Variants in BEND7 observed in about 807,000 individuals in gnomAD.
BEND7 encodes BEN domain-containing protein 7.
Under a neutral mutation model 50.9 loss-of-function variants are expected in BEND7, and 28 were observed. That is an observed-to-expected ratio of 0.55 (90% confidence interval 0.41 to 0.75). The LOEUF is 0.75. Ranked by LOEUF, BEND7 falls within the 30% of genes least tolerant of loss-of-function variation. The pLI is 0.00. For missense variants in BEND7, 477 were observed against 491.3 expected (o/e 0.97, Z 0.28); for synonymous variants, 170 against 183.9 (o/e 0.92, Z 0.61).
intron 7 of BEND7, among the ~76,000 whole-genome samples, chr10:13,451,927 G>A (rs894076839): frequency 9.9e-5 from 15 of 151,996 alleles, no homozygotes; most frequent in Admixed American, 9.8e-4. Flanking sequence ...TAGGAAATTG[G>A]CCCCCACTGT....
chr10:13,505,290 C>A, intron 2 of BEND7, among the ~76,000 whole-genome samples: 1 of 152,210 alleles, frequency 6.6e-6, no homozygotes, highest in Non-Finnish European at 1.5e-5. Flanking sequence ...AGCCTGCTGG[C>A]CCTTGCACCC....
intron 8 of BEND7, chr10:13,442,915 G>A (rs2130819959): frequency 6.6e-6 from 1 of 152,300 alleles, no homozygotes; most frequent in Non-Finnish European, 1.5e-5. Context: ...GATGATGAAG[G>A]TCTAATTAAT....
Position 13,441,436 on chromosome 10 carries a change from C to CTGTG in BEND7, c.*306_*307insCACA. 1 of 1,197,414 alleles carries CTGTG rather than the reference C, an allele frequency of 8.4e-7. No homozygotes were observed. The highest frequency in any genetic ancestry group is 1.7e-5 in the African/African-American group (1 of 58,968). 74.2% of individuals were successfully genotyped at this position (1,197,414 alleles called of 1,614,324 possible). ...TGATACGTATTTCCAGTGTGTAGAT[C>CTGTG]CGTTCATCGCACACATCTTTGGGTT... On this transcript the variant is annotated 3_prime_UTR_variant, in exon 9 of 9. Transcript: ENST00000466271.
intron 4 of BEND7, among the ~76,000 whole-genome samples, chr10:13,494,456 C>G (rs964988562): frequency 1.1e-4 from 17 of 152,114 alleles, no homozygotes; most frequent in African/African-American, 3.9e-4. Context: ...AACTGAAATG[C>G]CTCAGCCCCA....
chr10:13,453,298 G>A (rs1052988312), intron 6 of BEND7, among the ~76,000 whole-genome samples: 6 of 152,160 alleles, frequency 3.9e-5, no homozygotes, highest in African/African-American at 1.2e-4. Flanking sequence ...GTGTGTGGCC[G>A]CACACGCAGC....
At chr10:13,529,494 G>T (rs1422718071), upstream of BEND7, among the ~76,000 whole-genome samples, 1 of 152,142 alleles carries the variant, frequency 6.6e-6, no homozygotes, top group Non-Finnish European at 1.5e-5. Flanking sequence ...GAAGAATATA[G>T]TAGAGAGCTC....
At chr10:13,506,101 T>C (rs1294466266) in intron 2 of BEND7, among the ~76,000 whole-genome samples, 3 of 152,184 alleles carry the variant, frequency 2.0e-5, no homozygotes, top group Admixed American at 1.3e-4. Context: ...TCCTTTTATA[T>C]TGATCTCTTG....
chr10:13,475,082 A>G (rs926500578), intron 6 of BEND7, among the ~76,000 whole-genome samples: 1 of 152,206 alleles, frequency 6.6e-6, no homozygotes, highest in Non-Finnish European at 1.5e-5. Context: ...AGGGGCTGGA[A>G]GTAGAGAGCT....
At chr10:13,507,666 G>C (rs943391164) in intron 2 of BEND7, among the ~76,000 whole-genome samples, 1 of 152,160 alleles carries the variant, frequency 6.6e-6, no homozygotes, top group African/African-American at 2.4e-5. Flanking sequence ...GCAGCTTCCA[G>C]CCTGAAGGTG....
At chr10:13,471,936 G>A (rs948149359) in intron 6 of BEND7, among the ~76,000 whole-genome samples, 10 of 152,112 alleles carry the variant, frequency 6.6e-5, no homozygotes, top group Non-Finnish European at 8.8e-5. Context: ...TTAGACTCGG[G>A]GTCGATATCA....
upstream of BEND7, chr10:13,529,047 C>T (rs1471298383): frequency 1.4e-5 from 2 of 145,546 alleles, no homozygotes; most frequent in Admixed American, 6.8e-5. Context: ...CTGACCGCCC[C>T]CGCGGGAGGA....
intron 5 of BEND7, among the ~76,000 whole-genome samples, chr10:13,492,040 T>A (rs1041170530): frequency 1.3e-4 from 19 of 151,762 alleles, no homozygotes; most frequent in Non-Finnish European, 2.6e-4. Flanking sequence ...TCGGATGTCA[T>A]CCAACATTCT....
intron 7 of BEND7, among the ~76,000 whole-genome samples, chr10:13,448,930 G>A (rs909700280): frequency 9.7e-5 from 14 of 144,380 alleles, no homozygotes; most frequent in South Asian, 4.4e-4. Context: ...CCGAGATCGC[G>A]CCACTGCACT....
At chr10:13,438,929 T>G, downstream of BEND7, 1 of 463,400 alleles carries the variant, frequency 2.2e-6, no homozygotes, top group Admixed American at 3.6e-5. Flanking sequence ...AGAAGGGGAG[T>G]CACTTCTGGT....
chr10:13,501,618 G>A (rs1316214491), intron 2 of BEND7, among the ~76,000 whole-genome samples: 1 of 152,016 alleles, frequency 6.6e-6, no homozygotes, highest in Non-Finnish European at 1.5e-5. Flanking sequence ...AGGCTGAGAT[G>A]GGAGGGTCAT....
At chr10:13,450,780 G>T (rs547151081) in intron 7 of BEND7, among the ~76,000 whole-genome samples, 78 of 152,258 alleles carry the variant, frequency 5.1e-4, no homozygotes, top group African/African-American at 1.8e-3. Flanking sequence ...TCGAGGAGGG[G>T]AGGGGTGGGG....
At chr10:13,522,996 C>T (rs369319234) in intron 2 of BEND7, among the ~76,000 whole-genome samples, 7 of 152,198 alleles carry the variant, frequency 4.6e-5, no homozygotes, top group Non-Finnish European at 8.8e-5. Context: ...GTAGCTCTTA[C>T]GATTGCTGAA....
At position 13,499,834 on chromosome 10, in the gene BEND7, T is replaced by C. The variant is rs751205470; in HGVS notation, c.392A>G (p.Tyr131Cys). ...TTGGAAGGTTCTAGAACGGGTGCCA[T>C]ACTGCCCTGAGAACTGTCCACTCTG... ...PPQSGQFSGQ[Y>C]GTRSRTFQSQ... The change falls in exon 3 of 9, where the codon TAT becomes TGT. Residue 131 changes from tyrosine to cysteine, a missense_variant. Physicochemically the swap from Tyr to Cys is radical, Grantham distance 194. This residue lies in a region of BEND7 where 396 missense variants were observed against 384.2 expected (regional missense o/e 1.03). Coordinates refer to ENST00000466271, the MANE Select transcript of BEND7 (RefSeq NM_001369863.1). 6 of 1,614,066 alleles carry C rather than the reference T, an allele frequency of 3.7e-6. No individual in the cohort carries two copies. Among genetic ancestry groups the C allele is most frequent in the Non-Finnish European group, 5.1e-6 (6 of 1,179,944 alleles).
intron 6 of BEND7, among the ~76,000 whole-genome samples, chr10:13,464,025 G>A (rs1175490581): frequency 6.6e-6 from 1 of 152,248 alleles, no homozygotes; most frequent in Non-Finnish European, 1.5e-5. Context: ...CTGGTAACAA[G>A]AGATCTTGGC....
Sources: gnomAD v4.1 joint callset for allele counts (sites outside exome capture counted in the v4.1 genomes callset) on GRCh38, gnomAD v4.1.1 for gene constraint, gnomAD v4.1.1 regional missense constraint, MANE v1.5 for transcripts, NCBI Gene and HGNC (gene_info 2026-07-23, HGNC 2026-07-21) for gene names.